Variants in BCAS3 observed in about 807,000 individuals in gnomAD.
BCAS3 encodes BCAS4/BCAS3 fusion.
BCAS3 carries 53 observed loss-of-function variants against 116.1 expected under a neutral mutation model. The observed-to-expected ratio is 0.46, with a 90% CI of 0.37 to 0.57. BCAS3 has a LOEUF of 0.57. Among genes scored for constraint, BCAS3 ranks in the 20% least tolerant of loss-of-function variants. The pLI is 0.00. For missense variants in BCAS3, 917 were observed against 1,165.4 expected, an observed-to-expected ratio of 0.79 and a Z score of 3.10; for synonymous variants, 391 against 408.2, an observed-to-expected ratio of 0.96 and a Z score of 0.51.
At chr17:60,828,467 A>G (rs1270521377) in intron 7 of BCAS3, among the ~76,000 whole-genome samples, 12 of 152,248 alleles carry the variant, frequency 7.9e-5, no homozygotes, top group African/African-American at 2.7e-4. Context: ...AATATCACTA[A>G]TTATGTTACT....
chr17:60,844,141 G>T (rs2052264364), intron 7 of BCAS3, among the ~76,000 whole-genome samples: 2 of 151,676 alleles, frequency 1.3e-5, no homozygotes, highest in African/African-American at 4.8e-5. Context: ...AGCTAATTTT[G>T]TTTTTTTTAG....
At chr17:60,827,596 T>C (rs1450375976) in intron 7 of BCAS3, among the ~76,000 whole-genome samples, 1 of 152,232 alleles carries the variant, frequency 6.6e-6, no homozygotes, top group Non-Finnish European at 1.5e-5. Context: ...GGAAATATGA[T>C]GAACGGCATA....
Position 60,709,258 on chromosome 17 carries a change from C to T in BCAS3, c.254C>T (p.Thr85Ile), listed in dbSNP as rs775826447. 1.9e-6 allele frequency: 3 copies of T among 1,596,750 alleles called. No individual in the cohort carries two copies. The East Asian group carries it at 6.7e-5, about 36-fold the overall frequency. ...CTGGAATTTCATGAAATACATAGTACTGGGAATGAACCGCCTTTGTTGATT... is the reference window on the plus strand; with the variant it reads ...CTGGAATTTCATGAAATACATAGTATTGGGAATGAACCGCCTTTGTTGATT... ...RNLEFHEIHSTGNEPPLLIMI... is the reference protein window; with the variant it reads ...RNLEFHEIHSIGNEPPLLIMI... The change falls in exon 5 of 24, where the codon ACT (threonine) becomes ATT (isoleucine). Residue 85 changes from threonine to isoleucine, a missense_variant. This residue lies in a region of BCAS3 where 807 missense variants were observed against 1,026.0 expected (regional missense o/e 0.79). Coordinates refer to ENST00000407086, the MANE Select transcript of BCAS3 (RefSeq NM_017679.5).
rs1419052748 is a variant in BCAS3 at position 61,063,372 on chromosome 17, C to T, written c.2030-11548C>T. ...GCAGCCTTTGCCTCCTGGGTTCAAG[C>T]GATTCTCACGCCTCAGCCTCCCGAG... is the stretch of plus-strand genomic sequence containing the variant. On this transcript the variant is annotated intron_variant, in intron 19 of 23. Transcript: ENST00000407086. The surrounding 1 kb of genome is among the most constrained non-coding windows in gnomAD (Gnocchi z 5.3). 5.9e-5 allele frequency among the ~76,000 whole-genome samples: 9 copies of T among 151,902 alleles called. No individual in the cohort carries two copies. The highest frequency in any genetic ancestry group is 1.9e-4 in the African/African-American group (8 of 41,346).
chr17:61,358,530 C>G (rs1393472009), intron 22 of BCAS3, among the ~76,000 whole-genome samples: 1 of 125,708 alleles, frequency 8.0e-6, no homozygotes, highest in African/African-American at 2.9e-5. Flanking sequence ...GAGACAGTGT[C>G]TCCCTCCATC....
intron 6 of BCAS3, among the ~76,000 whole-genome samples, chr17:60,785,957 A>G (rs2144514065): frequency 6.6e-6 from 1 of 152,298 alleles, no homozygotes; most frequent in African/African-American, 2.4e-5. Context: ...ATTAGATATT[A>G]TAAATAACCT....
At chr17:61,177,238 A>G (rs1336371574) in intron 22 of BCAS3, among the ~76,000 whole-genome samples, 7 of 152,234 alleles carry the variant, frequency 4.6e-5, no homozygotes, top group Admixed American at 1.3e-4. Flanking sequence ...TTGTCCATAT[A>G]AGAACCGTAC....
At chr17:60,950,053 C>T (rs1318478280) in intron 14 of BCAS3, among the ~76,000 whole-genome samples, 2 of 152,114 alleles carry the variant, frequency 1.3e-5, no homozygotes, top group Non-Finnish European at 1.5e-5. Context: ...AATCCTCTTT[C>T]ACACAAACCA....
intron 22 of BCAS3, among the ~76,000 whole-genome samples, chr17:61,267,089 G>C (rs566334317): frequency 6.6e-6 from 1 of 152,200 alleles, no homozygotes; most frequent in Non-Finnish European, 1.5e-5. Flanking sequence ...ACGGAGTCTC[G>C]CTCTGTCGCC....
At chr17:60,801,891 A>T (rs567788517) in intron 6 of BCAS3, among the ~76,000 whole-genome samples, 1 of 151,978 alleles carries the variant, frequency 6.6e-6, no homozygotes, top group Non-Finnish European at 1.5e-5. Context: ...TCTGTCATCT[A>T]TGTATTGACT....
intron 22 of BCAS3, among the ~76,000 whole-genome samples, chr17:61,212,106 A>C (rs1225064819): frequency 1.3e-5 from 2 of 152,216 alleles, no homozygotes; most frequent in Admixed American, 1.3e-4. Flanking sequence ...ACAAAATAGG[A>C]ATATTCTGGT....
chr17:61,201,740 G>T (rs1372480088), intron 22 of BCAS3, among the ~76,000 whole-genome samples: 2 of 151,104 alleles, frequency 1.3e-5, no homozygotes, highest in African/African-American at 2.4e-5. Context: ...AGGGAGAAAG[G>T]TAAGGGAAAG....
Position 60,962,020 on chromosome 17 carries a change from T to C in BCAS3, c.1221+14668T>C, listed in dbSNP as rs1255004359. On this transcript the variant is annotated intron_variant, in intron 14 of 23. Coordinates refer to ENST00000407086, the MANE Select transcript of BCAS3 (RefSeq NM_017679.5). The surrounding 1 kb of genome is among the most constrained non-coding windows in gnomAD (Gnocchi z 4.4). ...TGTTGCTGCAAATGACAGGATTTCA[T>C]TCTTTTTTTTAAAGCTGAATATTTC... is the stretch of plus-strand genomic sequence containing the variant. 6.6e-6 allele frequency among the ~76,000 whole-genome samples: 1 copy of C among 152,184 alleles called. No individual in the cohort carries two copies. The highest frequency in any genetic ancestry group is 1.5e-5 in the Non-Finnish European group (1 of 68,034).
rs890393208 is a variant in BCAS3, at chr17:61,140,845, A to G, written c.2425+56281A>G. On this transcript the variant is annotated intron_variant, in intron 22 of 23. Coordinates refer to ENST00000407086, the MANE Select transcript of BCAS3 (RefSeq NM_017679.5). The surrounding 1 kb of genome is among the most constrained non-coding windows in gnomAD (Gnocchi z 4.2). ...GATTGTAATGTAGTGGATTGATGGT[A>G]CATGATTTAAGGGAAATCTTGTACT... Among the ~76,000 whole-genome samples the G allele has an allele frequency of 5.9e-5, 9 of 152,170 alleles. No individual in the cohort carries two copies. The highest frequency in any genetic ancestry group is 2.0e-4 in the Admixed American group (3 of 15,282).
chr17:60,951,534 T>C (rs1326569016), intron 14 of BCAS3, among the ~76,000 whole-genome samples: 2 of 152,154 alleles, frequency 1.3e-5, no homozygotes, highest in African/African-American at 4.8e-5. Context: ...AACATGTTTA[T>C]TGTAGATGAA....
chr17:61,072,082 A>C (rs1374153481), intron 19 of BCAS3, among the ~76,000 whole-genome samples: 1 of 152,134 alleles, frequency 6.6e-6, no homozygotes, highest in African/African-American at 2.4e-5. Context: ...TTTGGTGAAA[A>C]AAGGGGATGG....
intron 19 of BCAS3, among the ~76,000 whole-genome samples, chr17:61,069,117 G>A (rs2071041508): frequency 6.6e-6 from 1 of 151,988 alleles, no homozygotes; most frequent in African/African-American, 2.4e-5. Flanking sequence ...AACCAAAGAA[G>A]TGACTTGGGA....
At position 60,992,479 on chromosome 17, in the gene BCAS3, G is replaced by GTA. The variant is rs530308684; in HGVS notation, c.1486+2247_1486+2248dup. On this transcript the variant is annotated intron_variant, in intron 15 of 23. Transcript: ENST00000407086. ...AAGGTCATTGGGAGCTAAACATTGA[G>GTA]TATACATGGACATAAAGATGGGAAT... is the stretch of plus-strand genomic sequence containing the variant. Among the ~76,000 whole-genome samples the GTA allele has an allele frequency of 1.6e-4, 24 of 152,228 alleles. 1 individual carries two copies. The South Asian group carries it at 5.0e-3, about 32-fold the overall frequency.
At position 60,956,820 on chromosome 17, in the gene BCAS3, A is replaced by G. The variant is rs541503270; in HGVS notation, c.1221+9468A>G. Among the ~76,000 whole-genome samples the G allele has an allele frequency of 6.6e-6, 1 of 152,328 alleles. No individual in the cohort carries two copies. Among genetic ancestry groups the G allele is most frequent in the Non-Finnish European group, 1.5e-5 (1 of 68,018 alleles). On this transcript the variant is annotated intron_variant, in intron 14 of 23. Transcript: ENST00000407086. The surrounding 1 kb of genome is among the most constrained non-coding windows in gnomAD (Gnocchi z 4.2). ...ATTTTATAAGGTTCTACAGAAAATT[A>G]TTTTGAACTGATATATAAAATTTAA...
Sources: allele counts gnomAD v4.1 joint callset (sites outside exome capture counted in the v4.1 genomes callset), GRCh38; gene constraint gnomAD v4.1.1; regional missense constraint gnomAD v4.1.1; non-coding constraint Gnocchi (gnomAD v3.1); transcripts MANE v1.5; gene names NCBI Gene and HGNC (gene_info 2026-07-23, HGNC 2026-07-21).